KAZN: variants seen among roughly 807,000 people sequenced by gnomAD.
The protein encoded by KAZN is kazrin.
A neutral mutation model predicts 87.4 loss-of-function variants in KAZN; 40 were observed. The observed-to-expected ratio is 0.46, with a 90% confidence interval of 0.36 to 0.60. The LOEUF (loss-of-function observed/expected upper bound fraction) is 0.60, where lower values mean the gene tolerates loss of function less well. Ranked by LOEUF, KAZN falls within the 20% of genes least tolerant of loss-of-function variation. KAZN has a pLI of 0.00. For missense variants in KAZN, 898 were observed against 1,073.9 expected (o/e 0.84, Z 2.29); for synonymous variants, 466 against 458.3 (o/e 1.02, Z -0.22).
At chr1:14,737,791 C>T (rs1643954103) in intron 1 of KAZN, among the ~76,000 whole-genome samples, 1 of 152,184 alleles carries the variant, frequency 6.6e-6, no homozygotes, top group Non-Finnish European at 1.5e-5. Flanking sequence ...AGGTGCTGCT[C>T]TAAGTTCCTG....
At chr1:14,963,091 A>G (rs1664077706) in intron 2 of KAZN, among the ~76,000 whole-genome samples, 1 of 152,162 alleles carries the variant, frequency 6.6e-6, no homozygotes, top group Non-Finnish European at 1.5e-5. Context: ...TTTAGCCCAC[A>G]AGGCACAGAG....
chr1:14,979,920 G>A (rs1005709385), intron 2 of KAZN, among the ~76,000 whole-genome samples: 10 of 152,100 alleles, frequency 6.6e-5, no homozygotes, highest in African/African-American at 1.2e-4. Flanking sequence ...ACAGAGTCTC[G>A]CTCTGTTGCC....
intron 1 of KAZN, among the ~76,000 whole-genome samples, chr1:14,931,449 T>C (rs1455945611): frequency 6.6e-6 from 1 of 150,758 alleles, no homozygotes; most frequent in African/African-American, 2.4e-5. Flanking sequence ...ACTCTGTCTT[T>C]AAAAAAAAAG....
intron 1 of KAZN, among the ~76,000 whole-genome samples, chr1:14,718,022 C>T (rs933153263): frequency 6.6e-6 from 1 of 152,244 alleles, no homozygotes; most frequent in Non-Finnish European, 1.5e-5. Context: ...TGGCCTCTAT[C>T]ACCTGTGGTG....
intron 1 of KAZN, among the ~76,000 whole-genome samples, chr1:13,923,349 A>C (rs1041554920): frequency 5.9e-5 from 9 of 152,042 alleles, no homozygotes; most frequent in African/African-American, 2.2e-4. Context: ...TGAGGTGGGC[A>C]GATCACGAGG....
At chr1:14,176,092 CA>C (rs1646069146) in intron 1 of KAZN, among the ~76,000 whole-genome samples, 1 of 152,184 alleles carries the variant, frequency 6.6e-6, no homozygotes, top group Non-Finnish European at 1.5e-5. Context: ...AGATCTGGAG[CA>C]CCTATTTCCA....
At chr1:14,776,675 C>A (rs1645182560) in intron 1 of KAZN, among the ~76,000 whole-genome samples, 1 of 152,106 alleles carries the variant, frequency 6.6e-6, no homozygotes, top group South Asian at 2.1e-4. Context: ...ACCTGTAATC[C>A]CAGCACTTTG....
intron 1 of KAZN, among the ~76,000 whole-genome samples, chr1:13,972,633 T>C (rs1201452433): frequency 1.3e-5 from 2 of 152,200 alleles, no homozygotes; most frequent in African/African-American, 2.4e-5. Flanking sequence ...GTTTTGGAGA[T>C]AGGCGAGGAC....
At chr1:14,790,542 T>A (rs1411320416) in intron 1 of KAZN, among the ~76,000 whole-genome samples, 1 of 152,176 alleles carries the variant, frequency 6.6e-6, no homozygotes, top group East Asian at 1.9e-4. Context: ...AATTACAGAA[T>A]GTTTACAGCA....
At chr1:14,209,960 T>C (rs747560649) in intron 2 of KAZN, among the ~76,000 whole-genome samples, 1 of 152,176 alleles carries the variant, frequency 6.6e-6, no homozygotes, top group Non-Finnish European at 1.5e-5. Flanking sequence ...TGTCTCCCTC[T>C]GATGTAGCTT....
chr1:14,919,917 C>G (rs902664319), intron 1 of KAZN, among the ~76,000 whole-genome samples: 1 of 152,124 alleles, frequency 6.6e-6, no homozygotes, highest in African/African-American at 2.4e-5. Context: ...TAGTAGCTAT[C>G]TCGTGTAGGT....
rs552771919 is a variant in KAZN, at chr1:14,914,569, C to A, written c.227-46115C>A. 2.6e-5 allele frequency among the ~76,000 whole-genome samples: 4 copies of A among 152,274 alleles called. No homozygotes were observed. The East Asian group carries it at 7.7e-4, about 29-fold the overall frequency. The stretch of plus-strand genomic sequence containing the variant: ...TAAGCCTTAAAGGGACAGGCCTGGC[C>A]GGCATCCTTGGACCTCACCGCTGAC... On this transcript the variant is annotated intron_variant, in intron 1 of 14. Coordinates refer to ENST00000376030, the MANE Select transcript of KAZN (RefSeq NM_201628.3).
intron 2 of KAZN, among the ~76,000 whole-genome samples, chr1:14,533,764 C>A (rs1346646355): frequency 6.6e-6 from 1 of 152,162 alleles, no homozygotes; most frequent in African/African-American, 2.4e-5. Flanking sequence ...TCCACAATTT[C>A]TCTCCTTTTG....
intron 2 of KAZN, among the ~76,000 whole-genome samples, chr1:14,208,231 C>T (rs189540938): frequency 7.8e-4 from 119 of 152,224 alleles, no homozygotes; most frequent in African/African-American, 2.6e-3. Context: ...GGATGGTAAC[C>T]GGACATAATG....
At chr1:14,023,919 C>G (rs1221888833) in intron 1 of KAZN, among the ~76,000 whole-genome samples, 1 of 152,166 alleles carries the variant, frequency 6.6e-6, no homozygotes, top group Admixed American at 6.5e-5. Flanking sequence ...TAGAGGTTCA[C>G]CAGACCCAGC....
chr1:14,043,406 C>A (rs1199868665), intron 1 of KAZN, among the ~76,000 whole-genome samples: 2 of 152,176 alleles, frequency 1.3e-5, no homozygotes, highest in African/African-American at 4.8e-5. Context: ...CGTGGGTGTA[C>A]AAATATCTGA....
intron 1 of KAZN, among the ~76,000 whole-genome samples, chr1:14,738,901 A>G (rs1643999777): frequency 6.6e-6 from 1 of 152,180 alleles, no homozygotes; most frequent in African/African-American, 2.4e-5. Context: ...GGTCAAGTGC[A>G]ATGGCTCATG....
At chr1:14,946,301 TTCTTTTAAATTCTC>T (rs1661770121) in intron 1 of KAZN, 1 of 150,244 alleles carries the variant, frequency 6.7e-6, no homozygotes, top group South Asian at 2.1e-4. Flanking sequence ...CAGTCTGGAC[TTCTTTTAAATTCTC>T]TCTCTCTTTT....
intron 2 of KAZN, among the ~76,000 whole-genome samples, chr1:14,226,861 AC>A (rs1571072315): frequency 6.9e-5 from 1 of 14,450 alleles, no homozygotes; most frequent in East Asian, 0.062. Flanking sequence ...ACGCATGGAC[AC>A]AAAAAAAGGG....
Sources: allele counts gnomAD v4.1 joint callset (sites outside exome capture counted in the v4.1 genomes callset), GRCh38; gene constraint gnomAD v4.1.1; transcripts MANE v1.5; gene names NCBI Gene and HGNC (gene_info 2026-07-23, HGNC 2026-07-21).